Variants in NAA11 observed in about 807,000 individuals in gnomAD.
NAA11 encodes N-alpha-acetyltransferase 11, NatA catalytic subunit.
NAA11 carries 15 observed loss-of-function variants against 16.1 expected under a neutral mutation model. That is an observed-to-expected ratio of 0.93 (90% CI 0.62 to 1.44). The LOEUF is 1.44. Ranked by LOEUF, NAA11 falls within the 40% of genes most tolerant of loss-of-function variation. NAA11 has a pLI of 0.00. For synonymous variants in NAA11, 122 were observed against 112.4 expected (o/e 1.09, Z -0.54); for missense variants, 298 against 291.3 (o/e 1.02, Z -0.17).
the NAA11 span, among the ~76,000 whole-genome samples, chr4:79,169,205 T>A: frequency 6.6e-6 from 1 of 152,234 alleles, no homozygotes; most frequent in South Asian, 2.1e-4. Context: ...GATTCAATGC[T>A]ATCCCCATCA....
chr4:79,212,981 GATC>G, the NAA11 span, among the ~76,000 whole-genome samples: 1 of 152,032 alleles, frequency 6.6e-6, no homozygotes, highest in Admixed American at 6.6e-5. Flanking sequence ...TTGGAACAGT[GATC>G]ATATTATATA....
At chr4:79,294,898 G>A (rs573785339) in intron 1 of NAA11, among the ~76,000 whole-genome samples, 5 of 151,992 alleles carry the variant, frequency 3.3e-5, no homozygotes, top group Admixed American at 1.3e-4. Context: ...TATAATTTAC[G>A]CCTATAGTTC....
At chr4:79,312,358 T>C (rs1288729454), downstream of NAA11, among the ~76,000 whole-genome samples, 1 of 151,888 alleles carries the variant, frequency 6.6e-6, no homozygotes, top group East Asian at 1.9e-4. Context: ...TATTTAAGAG[T>C]TGGGGATCTT....
the NAA11 span, among the ~76,000 whole-genome samples, chr4:79,193,152 A>C: frequency 6.6e-6 from 1 of 151,914 alleles, no homozygotes; most frequent in African/African-American, 2.4e-5. Context: ...AGATTGCAAA[A>C]ATTTTCTCCC....
At chr4:79,220,253 C>T in the NAA11 span, among the ~76,000 whole-genome samples, 71 of 152,196 alleles carry the variant, frequency 4.7e-4, no homozygotes, top group African/African-American at 9.6e-4. Flanking sequence ...CCACTACGCC[C>T]GGCTAATTTT....
intron 2 of NAA11, among the ~76,000 whole-genome samples, chr4:79,256,645 A>ATAAATATATATAT (rs1722112473): frequency 1.3e-5 from 1 of 75,536 alleles, no homozygotes; most frequent in African/African-American, 4.5e-5. Flanking sequence ...TATATATATA[A>ATAAATATATATAT]ATATAAATAT....
the NAA11 span, among the ~76,000 whole-genome samples, chr4:79,169,551 A>G: frequency 0.098 from 14,869 of 151,842 alleles, 964 homozygotes; most frequent in African/African-American, 0.18. Flanking sequence ...CTGGCTAGCC[A>G]TATGCAGAAA....
the NAA11 span, among the ~76,000 whole-genome samples, chr4:79,162,440 C>T: frequency 1.3e-5 from 2 of 152,166 alleles, no homozygotes; most frequent in Admixed American, 6.5e-5. Context: ...ATGAAAAGGA[C>T]ACACCTGCAA....
intron 1 of NAA11, among the ~76,000 whole-genome samples, chr4:79,319,205 G>A (rs941168468): frequency 6.6e-6 from 1 of 152,152 alleles, no homozygotes; most frequent in Non-Finnish European, 1.5e-5. Context: ...TGGGATTACA[G>A]GCATGAGCCG....
the NAA11 span, among the ~76,000 whole-genome samples, chr4:79,161,678 GT>G: frequency 5.3e-4 from 76 of 143,024 alleles, no homozygotes; most frequent in East Asian, 1.0e-3. Flanking sequence ...CTTTTACTTA[GT>G]TTTTTTTTTT....
chr4:79,243,591 A>C (rs755349636), intron 2 of NAA11, among the ~76,000 whole-genome samples: 6 of 152,226 alleles, frequency 3.9e-5, no homozygotes, highest in Non-Finnish European at 8.8e-5. Context: ...AAATAAAACA[A>C]GTTTACTGAT....
At chr4:79,324,090 A>C (rs892033937) in intron 1 of NAA11, among the ~76,000 whole-genome samples, 2 of 152,132 alleles carry the variant, frequency 1.3e-5, no homozygotes, top group Non-Finnish European at 2.9e-5. Flanking sequence ...AAATGGCATA[A>C]GGAACCCCCT....
intron 1 of NAA11, chr4:79,298,982 G>A (rs1480687424): frequency 6.6e-6 from 1 of 152,144 alleles, no homozygotes; most frequent in Non-Finnish European, 1.5e-5. Flanking sequence ...AAATGCCTTT[G>A]TCTTTTTCTA....
At chr4:79,181,500 A>C in the NAA11 span, among the ~76,000 whole-genome samples, 1 of 152,228 alleles carries the variant, frequency 6.6e-6, no homozygotes, top group Non-Finnish European at 1.5e-5. Context: ...AGTTCAAGGA[A>C]GAAATTACAC....
At chr4:79,160,272 A>C in the NAA11 span, among the ~76,000 whole-genome samples, 18 of 152,316 alleles carry the variant, frequency 1.2e-4, no homozygotes, top group Middle Eastern at 0.01. Flanking sequence ...GATTACAGGC[A>C]TGAGCCACCG....
the NAA11 span, among the ~76,000 whole-genome samples, chr4:79,170,792 GT>G: frequency 0.096 from 14,578 of 151,782 alleles, 926 homozygotes; most frequent in African/African-American, 0.17. Flanking sequence ...TGTGATCTAA[GT>G]TTTTTTAAAA....
chr4:79,175,901 G>A, the NAA11 span, among the ~76,000 whole-genome samples: 1 of 152,162 alleles, frequency 6.6e-6, no homozygotes, highest in African/African-American at 2.4e-5. Flanking sequence ...TAAGGCTAGT[G>A]CTTAAGTAGG....
chr4:79,220,833 C>T (rs1476280594), downstream of NAA11, among the ~76,000 whole-genome samples: 2 of 151,982 alleles, frequency 1.3e-5, no homozygotes, highest in Non-Finnish European at 2.9e-5. Flanking sequence ...GTTCTTTTGG[C>T]GTAGGATTGA....
chr4:79,247,236 C>T (rs1379705102), intron 2 of NAA11, among the ~76,000 whole-genome samples: 3 of 152,124 alleles, frequency 2.0e-5, no homozygotes, highest in Non-Finnish European at 4.4e-5. Flanking sequence ...GTGTATTTAT[C>T]TGGCTTAGGA....
Sources: allele counts gnomAD v4.1 joint callset (sites outside exome capture counted in the v4.1 genomes callset), GRCh38; gene constraint gnomAD v4.1.1; transcripts MANE v1.5; gene names NCBI Gene and HGNC (gene_info 2026-07-23, HGNC 2026-07-21).